Variants in FMN2 observed in about 807,000 individuals in gnomAD.
FMN2 encodes the protein formin-2.
FMN2 carries 51 observed loss-of-function variants against 142.3 expected under a neutral mutation model. That is an observed-to-expected ratio of 0.36 (90% CI 0.29 to 0.45). The LOEUF (loss-of-function observed/expected upper bound fraction) is 0.45, where lower values mean the gene tolerates loss of function less well. Among genes scored for constraint, FMN2 ranks in the 20% least tolerant of loss-of-function variants. The pLI is 1.00. For synonymous variants in FMN2, 882 were observed against 869.8 expected (o/e 1.01, Z -0.25); for missense variants, 1,936 against 2,122.8 (o/e 0.91, Z 1.73).
At chr1:240,292,913 G>C (rs919888248) in intron 7 of FMN2, among the ~76,000 whole-genome samples, 1 of 152,064 alleles carries the variant, frequency 6.6e-6, no homozygotes, top group South Asian at 2.1e-4. Flanking sequence ...GTTCCCATTT[G>C]AATTGTGTTA....
At chr1:240,445,459 G>C (rs1675772808) in intron 16 of FMN2, among the ~76,000 whole-genome samples, 1 of 152,188 alleles carries the variant, frequency 6.6e-6, no homozygotes, top group African/African-American at 2.4e-5. Context: ...GACACCTAAA[G>C]AATTCAAGGG....
chr1:240,143,342 C>T lies in FMN2; in HGVS notation c.1782+19997C>T, dbSNP rs541468323. The T allele has an allele frequency of 6.0e-6, 9 of 1,489,792 alleles. No individual in the cohort carries two copies. The South Asian group carries it at 9.1e-5, about 15-fold the overall frequency. The allele number at this position is 1,489,792 out of a possible 1,614,324, so 92.3% of individuals were successfully genotyped here. On this transcript the variant is annotated intron_variant, in intron 2 of 17. Coordinates refer to ENST00000319653, the MANE Select transcript of FMN2 (RefSeq NM_020066.5). ...ACAGCCCTCCGGAGTGCAGGCTCCC[C>T]ATATCTCAGCAAGTGGCCAAAGGTT...
intron 6 of FMN2, among the ~76,000 whole-genome samples, chr1:240,257,690 T>C (rs1668492140): frequency 6.6e-6 from 1 of 152,152 alleles, no homozygotes; most frequent in Non-Finnish European, 1.5e-5. Flanking sequence ...GATCAGGCTC[T>C]CAAAAGACTG....
At chr1:240,324,333 C>T (rs975285114) in intron 8 of FMN2, among the ~76,000 whole-genome samples, 10 of 152,032 alleles carry the variant, frequency 6.6e-5, no homozygotes, top group Non-Finnish European at 1.0e-4. Context: ...TTGATGAAAA[C>T]GATTTTTAAA....
intron 8 of FMN2, among the ~76,000 whole-genome samples, chr1:240,304,827 C>T (rs1572174674): frequency 6.6e-6 from 1 of 152,218 alleles, no homozygotes; most frequent in Non-Finnish European, 1.5e-5. Flanking sequence ...CTGCCTGCCA[C>T]AGGGCCGGGA....
intron 15 of FMN2, among the ~76,000 whole-genome samples, chr1:240,400,042 A>G (rs1673919588): frequency 1.3e-5 from 2 of 152,196 alleles, no homozygotes. Flanking sequence ...AGAGGTCTAG[A>G]TGGAGAGCAG....
intron 2 of FMN2, among the ~76,000 whole-genome samples, chr1:240,159,968 T>TACAC (rs1420883044): frequency 8.2e-4 from 91 of 111,136 alleles, no homozygotes; most frequent in African/African-American, 3.6e-3. Context: ...TGTGTATATA[T>TACAC]ATATATACAC....
chr1:240,336,862 CAA>C, intron 13 of FMN2, among the ~76,000 whole-genome samples: 1 of 151,778 alleles, frequency 6.6e-6, no homozygotes, highest in African/African-American at 2.4e-5. Context: ...TAAAAACTGA[CAA>C]ATCATAATTT....
chr1:240,252,146 T>C (rs1668298167), intron 6 of FMN2, among the ~76,000 whole-genome samples: 1 of 152,132 alleles, frequency 6.6e-6, no homozygotes, highest in Non-Finnish European at 1.5e-5. Flanking sequence ...TGACCTCAGG[T>C]GATCCACCTG....
At chr1:240,238,518 T>C (rs1667782536) in intron 6 of FMN2, among the ~76,000 whole-genome samples, 1 of 152,220 alleles carries the variant, frequency 6.6e-6, no homozygotes, top group Non-Finnish European at 1.5e-5. Context: ...GTTTATAGGC[T>C]CCTGCGTGAC....
chr1:240,131,379 A>G (rs1190087991), intron 2 of FMN2, among the ~76,000 whole-genome samples: 3 of 152,092 alleles, frequency 2.0e-5, no homozygotes, highest in Admixed American at 2.0e-4. Context: ...GACCTGAGGC[A>G]TGCGTAGGAG....
chr1:240,224,853 G>T (rs1043473765), intron 6 of FMN2, among the ~76,000 whole-genome samples: 2 of 152,202 alleles, frequency 1.3e-5, no homozygotes, highest in African/African-American at 4.8e-5. Flanking sequence ...GTAGCAATGT[G>T]TAAGAAAACA....
chr1:240,185,176 TC>T lies in FMN2; in HGVS notation c.1931-3027del, dbSNP rs1391853304. ...CTTCTCTTTCTCCCTCCTACACCTT[TC>T]CCCTTCTCTTTCTCCCTCCTATACC... is the stretch of plus-strand genomic sequence containing the variant. On this transcript the variant is annotated intron_variant, in intron 3 of 17. Coordinates refer to ENST00000319653, the MANE Select transcript of FMN2 (RefSeq NM_020066.5). Among the ~76,000 whole-genome samples the T allele has an allele frequency of 3.5e-4, 44 of 125,330 alleles. 3 individuals are homozygous for T. The highest frequency in any genetic ancestry group is 1.3e-3 in the African/African-American group (42 of 31,742). The allele number at this position is 125,330 out of a possible 152,430, so 82.2% of individuals were successfully genotyped here.
intron 1 of FMN2, among the ~76,000 whole-genome samples, chr1:240,122,156 C>T (rs746391371): frequency 1.5e-3 from 225 of 152,098 alleles, no homozygotes; most frequent in Non-Finnish European, 2.4e-3. Context: ...GGCGTGATCG[C>T]GGCTCACTGC....
intron 8 of FMN2, among the ~76,000 whole-genome samples, chr1:240,311,945 C>T (rs564608066): frequency 3.9e-5 from 6 of 152,260 alleles, no homozygotes; most frequent in Non-Finnish European, 7.3e-5. Flanking sequence ...CTTGCCTCAC[C>T]CTCTCAAATA....
intron 11 of FMN2, among the ~76,000 whole-genome samples, chr1:240,331,226 G>T (rs1671370957): frequency 6.6e-6 from 1 of 152,108 alleles, no homozygotes; most frequent in Admixed American, 6.6e-5. Flanking sequence ...TATAAAAGGT[G>T]ATTCTACTCT....
At position 240,294,936 on chromosome 1, in the gene FMN2, T is replaced by C. The variant is rs1669915485; in HGVS notation, c.4215+53T>C. The stretch of plus-strand genomic sequence containing the variant: ...GAGTATATAATATGTACACAGTACA[T>C]GTCTATGTGCACATATAGGCTCTTT... On this transcript the variant is annotated intron_variant, in intron 8 of 17. Transcript: ENST00000319653. The C allele has an allele frequency of 3.3e-6, 5 of 1,502,932 alleles. No individual in the cohort carries two copies. In the Admixed American group the frequency reaches 8.4e-5, roughly 25 times the overall value. 93.1% of individuals were successfully genotyped at this position (1,502,932 alleles called of 1,614,324 possible).
chr1:240,113,278 T>A (rs80010045), intron 1 of FMN2, among the ~76,000 whole-genome samples: 8,127 of 151,866 alleles, frequency 0.054, 720 homozygotes, highest in African/African-American at 0.18. Flanking sequence ...AGAAGTAAGA[T>A]TGTGGCCGGG....
At chr1:240,254,698 G>A (rs1392865571) in intron 6 of FMN2, among the ~76,000 whole-genome samples, 1 of 152,080 alleles carries the variant, frequency 6.6e-6, no homozygotes, top group Non-Finnish European at 1.5e-5. Context: ...CCATATGGCG[G>A]CTGCAAGAGG....
Sources: gnomAD v4.1 joint callset for allele counts (sites outside exome capture counted in the v4.1 genomes callset) on GRCh38, gnomAD v4.1.1 for gene constraint, MANE v1.5 for transcripts, NCBI Gene and HGNC (gene_info 2026-07-23, HGNC 2026-07-21) for gene names.